The following SNTG2 variants were observed in gnomAD, a reference collection of about 807,000 sequenced individuals.
The protein encoded by SNTG2 is syntrophin gamma 2.
SNTG2 carries 74 observed loss-of-function variants against 70.9 expected under a neutral mutation model. That is an observed-to-expected ratio of 1.04 (90% CI 0.86 to 1.27). The LOEUF is 1.27. Among genes scored for constraint, SNTG2 ranks in the 50% most tolerant of loss-of-function variants. The pLI, the probability that SNTG2 is intolerant of heterozygous loss-of-function variation, is 0.00. For missense variants in SNTG2, 717 were observed against 690.7 expected (o/e 1.04, Z -0.43); for synonymous variants, 278 against 273.8 (o/e 1.02, Z -0.15).
intron 14 of SNTG2, among the ~76,000 whole-genome samples, chr2:1,288,001 G>C (rs1365766036): frequency 6.6e-6 from 1 of 151,800 alleles, no homozygotes; most frequent in Non-Finnish European, 1.5e-5. Context: ...TGACCACCTG[G>C]AACCTCGGAC....
intron 2 of SNTG2, 56 bp downstream of exon 2, chr2:1,083,711 G>A (rs756154478): frequency 1.2e-5 from 19 of 1,597,420 alleles, no homozygotes; most frequent in African/African-American, 4.0e-5. Context: ...CCCCATGAAC[G>A]GTCTTTGAAA....
chr2:1,328,655 C>T lies in SNTG2; in HGVS notation c.1488+12280C>T, dbSNP rs1053742741. Among the ~76,000 whole-genome samples, 11 of 152,254 alleles carry T rather than the reference C, an allele frequency of 7.2e-5. 1 individual carries two copies. Among genetic ancestry groups the T allele is most frequent in the Admixed American group, 7.2e-4 (11 of 15,296 alleles). On this transcript the variant is annotated intron_variant, in intron 16 of 16. Transcript: ENST00000308624. ...TTTCCAAAAAGCTAATAAAGTTTCA[C>T]ATTATCCTTGGCAAAAATTCTATCA...
At chr2:1,259,499 C>A in intron 13 of SNTG2, 58 bp downstream of exon 13, 1 of 1,379,632 alleles carries the variant, frequency 7.2e-7, no homozygotes, top group Non-Finnish European at 1.0e-6. Flanking sequence ...TTTGGGCTTG[C>A]AGAATGAGAG....
intron 6 of SNTG2, among the ~76,000 whole-genome samples, chr2:1,141,876 C>T (rs1668774720): frequency 6.6e-6 from 1 of 152,202 alleles, no homozygotes; most frequent in African/African-American, 2.4e-5. Flanking sequence ...CCCCGACCCA[C>T]ATTAGTCCCA....
rs932002892 is a variant in SNTG2, at chr2:1,036,825, G to A, written c.73-46693G>A. ...AAAGGTAAACAAGACCTTGCCCAGC[G>A]TTTGTCTTGAGCTTAGTTCTTTCAG... On this transcript the variant is annotated intron_variant, in intron 1 of 16. Coordinates refer to ENST00000308624, the MANE Select transcript of SNTG2 (RefSeq NM_018968.4). Among the ~76,000 whole-genome samples, 11 of 152,292 alleles carry A rather than the reference G, an allele frequency of 7.2e-5. 1 individual carries two copies. The highest frequency in any genetic ancestry group is 5.8e-4 in the East Asian group (3 of 5,184).
intron 1 of SNTG2, among the ~76,000 whole-genome samples, chr2:964,009 A>T (rs1316887979): frequency 6.6e-6 from 1 of 151,998 alleles, no homozygotes; most frequent in African/African-American, 2.4e-5. Context: ...CTCTAGTCTC[A>T]AGGCTCAGCG....
chr2:1,297,926 G>A lies in SNTG2; in HGVS notation c.1285-10568G>A, dbSNP rs559810940. On this transcript the variant is annotated intron_variant, in intron 14 of 16. Transcript: ENST00000308624. ...GAACTCCCAACCAGGGCTTGAGCAG[G>A]GCGCGTGTTGGTCTGTATGAATCTA... Among the ~76,000 whole-genome samples the A allele has an allele frequency of 2.6e-5, 4 of 152,216 alleles. No homozygotes were observed. The South Asian group carries it at 8.3e-4, about 32-fold the overall frequency.
intron 4 of SNTG2, among the ~76,000 whole-genome samples, chr2:1,118,404 C>A (rs1343039310): frequency 2.0e-5 from 3 of 152,204 alleles, no homozygotes; most frequent in Non-Finnish European, 2.9e-5. Flanking sequence ...CACTTAGACA[C>A]CCACAGTCAT....
chr2:978,432 AATTATT>A (rs1660985260), intron 1 of SNTG2, among the ~76,000 whole-genome samples: 1 of 152,226 alleles, frequency 6.6e-6, no homozygotes, highest in Non-Finnish European at 1.5e-5. Context: ...CCAAAACTTT[AATTATT>A]ATCCAACAAG....
intron 15 of SNTG2, among the ~76,000 whole-genome samples, chr2:1,315,932 TG>T (rs1681255334): frequency 6.6e-6 from 1 of 152,146 alleles, no homozygotes; most frequent in African/African-American, 2.4e-5. Context: ...GTTTTAAGGC[TG>T]TGTACAGGAA....
At chr2:1,360,453 A>G (rs141376389) in intron 16 of SNTG2, among the ~76,000 whole-genome samples, 236 of 152,272 alleles carry the variant, frequency 1.5e-3, no homozygotes, top group Middle Eastern at 6.8e-3. Context: ...AGCACAGCTT[A>G]GAAGGAAGGT....
At chr2:1,161,436 T>A (rs1056445388) in intron 6 of SNTG2, 1 of 152,206 alleles carries the variant, frequency 6.6e-6, no homozygotes, top group Non-Finnish European at 1.5e-5. Context: ...CTGGTGTTAA[T>A]TTGCTGCAAA....
chr2:952,790 T>C (rs1660019399), intron 1 of SNTG2, among the ~76,000 whole-genome samples: 1 of 152,220 alleles, frequency 6.6e-6, no homozygotes, highest in Non-Finnish European at 1.5e-5. Context: ...TGCATGGTCA[T>C]GTTAGCTCAG....
chr2:1,216,626 A>G (rs1674410703), intron 9 of SNTG2, among the ~76,000 whole-genome samples: 1 of 152,166 alleles, frequency 6.6e-6, no homozygotes, highest in Non-Finnish European at 1.5e-5. Flanking sequence ...CTGTTGACAT[A>G]TAATTGTCCA....
intron 16 of SNTG2, among the ~76,000 whole-genome samples, chr2:1,341,877 A>T (rs184794397): frequency 1.3e-4 from 17 of 127,854 alleles, no homozygotes; most frequent in Admixed American, 1.3e-3. Context: ...ATAGGGTCTT[A>T]CTCTGTTGCC....
intron 12 of SNTG2, among the ~76,000 whole-genome samples, chr2:1,255,877 T>TATATAA (rs1420836257): frequency 0.015 from 1,122 of 77,310 alleles, 6 homozygotes; most frequent in Middle Eastern, 0.019. Context: ...TATATAAATA[T>TATATAA]ATATATAAAT....
chr2:1,167,242 C>T lies in SNTG2; in HGVS notation c.499+1607C>T, dbSNP rs146383762. Among the ~76,000 whole-genome samples the T allele has an allele frequency of 1.7e-3, 261 of 149,676 alleles. 1 individual carries two copies. Among genetic ancestry groups the T allele is most frequent in the African/African-American group, 5.9e-3 (238 of 40,670 alleles). On this transcript the variant is annotated intron_variant, in intron 7 of 16. Transcript: ENST00000308624. ...CTGAAGCCTACAAGCCACCCACAGA[C>T]GACAGAACTGAAACCAACAAGCCGC...
chr2:1,091,125 C>G (rs1371140169), intron 2 of SNTG2, among the ~76,000 whole-genome samples: 1 of 152,072 alleles, frequency 6.6e-6, no homozygotes, highest in Non-Finnish European at 1.5e-5. Flanking sequence ...GATGACAGGC[C>G]CATTCGCATC....
chr2:1,109,447 G>C (rs1666298610), intron 4 of SNTG2, among the ~76,000 whole-genome samples: 1 of 152,048 alleles, frequency 6.6e-6, no homozygotes, highest in Admixed American at 6.5e-5. Context: ...ATTGATACTT[G>C]TCATACGAAA....
Sources: gnomAD v4.1 joint callset for allele counts (sites outside exome capture counted in the v4.1 genomes callset) on GRCh38, gnomAD v4.1.1 for gene constraint, MANE v1.5 for transcripts, NCBI Gene and HGNC (gene_info 2026-07-23, HGNC 2026-07-21) for gene names.